The following MYO3B variants were observed in gnomAD, a reference collection of about 807,000 sequenced individuals.
MYO3B encodes the protein myosin IIIB, also known as myosin-IIIb.
In MYO3B, 156 loss-of-function variants were observed where a neutral mutation model predicts 174.6. The observed-to-expected ratio is 0.89, with a 90% CI of 0.78 to 1.02. The LOEUF (loss-of-function observed/expected upper bound fraction) is 1.02. MYO3B is among the 50% of genes least tolerant of loss of function. The pLI is 0.00. For synonymous variants in MYO3B, 563 were observed against 569.1 expected (o/e 0.99, Z 0.15); for missense variants, 1,632 against 1,639.4 (o/e 1.00, Z 0.08).
At chr2:170,435,097 T>C (rs2094742493) in intron 22 of MYO3B, among the ~76,000 whole-genome samples, 1 of 152,250 alleles carries the variant, frequency 6.6e-6, no homozygotes, top group Non-Finnish European at 1.5e-5. Flanking sequence ...TAGGTCTGTC[T>C]CAAGCTTGCT....
intron 7 of MYO3B, among the ~76,000 whole-genome samples, chr2:170,237,873 C>G (rs2093089059): frequency 6.6e-6 from 1 of 152,174 alleles, no homozygotes; most frequent in Non-Finnish European, 1.5e-5. Context: ...TCAGATTGAA[C>G]TAGGCAATGT....
intron 7 of MYO3B, among the ~76,000 whole-genome samples, chr2:170,258,462 A>C (rs1020174816): frequency 6.6e-6 from 1 of 152,188 alleles, no homozygotes. Flanking sequence ...AGAAAAAATC[A>C]TATGATCATC....
chr2:170,543,541 A>G (rs892953787), intron 31 of MYO3B, among the ~76,000 whole-genome samples: 1 of 152,176 alleles, frequency 6.6e-6, no homozygotes, highest in Admixed American at 6.5e-5. Context: ...ATACCTTCCT[A>G]TAGGTTTTCT....
chr2:170,601,871 G>A (rs1052149672), intron 32 of MYO3B: 68 of 860,996 alleles, frequency 7.9e-5, no homozygotes, highest in Non-Finnish European at 1.1e-4. Context: ...CTAATAGGCA[G>A]GCCAGGATGC....
intron 30 of MYO3B, among the ~76,000 whole-genome samples, chr2:170,540,670 A>T (rs1219904987): frequency 6.6e-6 from 1 of 150,442 alleles, no homozygotes; most frequent in African/African-American, 2.5e-5. Context: ...AACAACAAAA[A>T]AAACAAAAAA....
At chr2:170,573,761 A>G (rs183222603) in intron 32 of MYO3B, among the ~76,000 whole-genome samples, 1 of 152,334 alleles carries the variant, frequency 6.6e-6, no homozygotes, top group Admixed American at 6.5e-5. Context: ...ACTTGTTAAA[A>G]GACTAGATGT....
rs111697226 is a variant in MYO3B, at chr2:170,417,607, C to G, written c.2650+9763C>G. Reference sequence around the variant, plus strand: ...AGTCAGGGTTGGTTCCTTCTGGAGGCTCTGAGGGAGCGTTTGTTCCAGGCC... The same window carrying G: ...AGTCAGGGTTGGTTCCTTCTGGAGGGTCTGAGGGAGCGTTTGTTCCAGGCC... On this transcript the variant is annotated intron_variant, in intron 22 of 34. Coordinates refer to ENST00000408978, the MANE Select transcript of MYO3B (RefSeq NM_138995.5). Among the ~76,000 whole-genome samples, 612 of 152,288 alleles carry G rather than the reference C, an allele frequency of 4.0e-3. 5 individuals carry two copies. The highest frequency in any genetic ancestry group is 0.014 in the African/African-American group (589 of 41,558).
intron 32 of MYO3B, among the ~76,000 whole-genome samples, chr2:170,598,347 C>T (rs1575223235): frequency 1.3e-5 from 2 of 152,328 alleles, no homozygotes; most frequent in Middle Eastern, 6.8e-3. Context: ...GAACGAATTC[C>T]CCTGCAATGC....
At position 170,428,177 on chromosome 2, in the gene MYO3B, AAC is replaced by A. The variant is rs576827553; in HGVS notation, c.2651-15788_2651-15787del. Among the ~76,000 whole-genome samples the A allele has an allele frequency of 4.4e-3, 669 of 152,336 alleles. 4 individuals are homozygous for A. Among genetic ancestry groups the A allele is most frequent in the Non-Finnish European group, 7.5e-3 (507 of 68,036 alleles). ...GAGGAATAACTGAAGAGATCATAGC[AAC>A]AGAGCCATTGCTGGTTGCCTGTGTT... is the stretch of plus-strand genomic sequence containing the variant. On this transcript the variant is annotated intron_variant, in intron 22 of 34. Transcript: ENST00000408978.
intron 7 of MYO3B, among the ~76,000 whole-genome samples, chr2:170,278,443 T>C (rs1332295797): frequency 6.6e-6 from 1 of 152,176 alleles, no homozygotes; most frequent in African/African-American, 2.4e-5. Context: ...ATATTGTAGA[T>C]ACTAAAAAGA....
intron 30 of MYO3B, chr2:170,519,750 A>G (rs1688548398): frequency 6.8e-6 from 3 of 443,348 alleles, no homozygotes; most frequent in Non-Finnish European, 4.2e-6. Context: ...AGGTGGGTGG[A>G]TCACCTGAGG....
intron 1 of MYO3B, among the ~76,000 whole-genome samples, chr2:170,193,427 T>C (rs2092563689): frequency 6.6e-6 from 1 of 152,072 alleles, no homozygotes; most frequent in Admixed American, 6.5e-5. Flanking sequence ...AGTTTCTGAG[T>C]TATAGACTCT....
At chr2:170,566,761 T>C (rs1692101474) in intron 32 of MYO3B, among the ~76,000 whole-genome samples, 1 of 152,168 alleles carries the variant, frequency 6.6e-6, no homozygotes, top group African/African-American at 2.4e-5. Context: ...TCTCAGTAAA[T>C]AAATCTTCTC....
chr2:170,640,537 A>T (rs1167914768), intron 32 of MYO3B: 1 of 152,092 alleles, frequency 6.6e-6, no homozygotes, highest in Non-Finnish European at 1.5e-5. Flanking sequence ...CACCAAGTTG[A>T]CTCTTGATGA....
intron 7 of MYO3B, among the ~76,000 whole-genome samples, chr2:170,310,582 C>T (rs1404849597): frequency 2.1e-5 from 3 of 140,636 alleles, no homozygotes; most frequent in Non-Finnish European, 4.5e-5. Context: ...GAGAATCTCG[C>T]TTGAACCTGG....
intron 30 of MYO3B, among the ~76,000 whole-genome samples, chr2:170,528,631 C>G (rs1012852371): frequency 6.6e-6 from 1 of 152,186 alleles, no homozygotes; most frequent in East Asian, 1.9e-4. Flanking sequence ...GTCTCAATCT[C>G]TTGACCTCAA....
At chr2:170,328,791 A>G (rs2093888389) in intron 7 of MYO3B, among the ~76,000 whole-genome samples, 1 of 40,352 alleles carries the variant, frequency 2.5e-5, no homozygotes, top group Non-Finnish European at 8.6e-5. Context: ...ACTGAATGGA[A>G]AAAAATAAGT....
At chr2:170,182,646 C>G (rs543287711) in intron 1 of MYO3B, among the ~76,000 whole-genome samples, 1 of 142,954 alleles carries the variant, frequency 7.0e-6, no homozygotes, top group Admixed American at 7.1e-5. Context: ...GAGTTTCACT[C>G]CATTGCCCAA....
At chr2:170,496,481 G>A (rs1217334978) in intron 25 of MYO3B, among the ~76,000 whole-genome samples, 3 of 151,676 alleles carry the variant, frequency 2.0e-5, no homozygotes, top group Admixed American at 1.3e-4. Flanking sequence ...TTTTCAAGGG[G>A]TTGAACTAAA....
Sources: gnomAD v4.1 joint callset for allele counts (sites outside exome capture counted in the v4.1 genomes callset) on GRCh38, gnomAD v4.1.1 for gene constraint, MANE v1.5 for transcripts, NCBI Gene and HGNC (gene_info 2026-07-23, HGNC 2026-07-21) for gene names.